Variants in SLC7A14 observed in about 807,000 individuals in gnomAD.
The protein encoded by SLC7A14 is gamma-aminobutyric acid transporter SLC7A14.
SLC7A14 carries 37 observed loss-of-function variants against 60.2 expected under a neutral mutation model. The ratio of observed to expected loss-of-function variants is 0.61; its 90% confidence interval spans 0.47 to 0.81. The LOEUF is 0.81. Ranked by LOEUF, SLC7A14 falls within the 30% of genes least tolerant of loss-of-function variation. The pLI is 0.00. For missense variants in SLC7A14, 886 were observed against 982.7 expected, an observed-to-expected ratio of 0.90 and a Z score of 1.32; for synonymous variants, 399 against 395.8, an observed-to-expected ratio of 1.01 and a Z score of -0.10.
chr3:170,514,529 A>G (rs1297121605), intron 2 of SLC7A14, among the ~76,000 whole-genome samples: 2 of 152,148 alleles, frequency 1.3e-5, no homozygotes, highest in African/African-American at 2.4e-5. Context: ...ATTATTATAC[A>G]TATTGATTTA....
At chr3:170,552,734 C>A (rs1011264415) in intron 1 of SLC7A14, among the ~76,000 whole-genome samples, 3 of 152,194 alleles carry the variant, frequency 2.0e-5, no homozygotes, top group African/African-American at 4.8e-5. Context: ...CTTCTGCATC[C>A]TTTTGCCTGT....
intron 1 of SLC7A14, among the ~76,000 whole-genome samples, chr3:170,580,773 G>A (rs76485411): frequency 0.018 from 2,689 of 152,292 alleles, 34 homozygotes; most frequent in Admixed American, 0.027. Flanking sequence ...AAGTGACTTC[G>A]TTGAGTTTTC....
In SLC7A14 at chr3:170,535,161, C is replaced by T. The variant is rs552497045; in HGVS notation, c.-152-8073G>A. 6.6e-6 allele frequency among the ~76,000 whole-genome samples: 1 copy of T among 152,054 alleles called. No homozygotes were observed. The highest frequency in any genetic ancestry group is 2.4e-5 in the African/African-American group (1 of 41,458). ...GTGGCCACAGTCTGGCATCACCTTCCACTCTTCTCCCGCAGATCAGGGTCT... is the reference window on the plus strand; with the variant it reads ...GTGGCCACAGTCTGGCATCACCTTCTACTCTTCTCCCGCAGATCAGGGTCT... On this transcript the variant is annotated intron_variant, in intron 1 of 7. Transcript: ENST00000231706. This position sits in a 1 kb window ranked among gnomAD's most constrained non-coding sequence, Gnocchi z 4.3.
intron 1 of SLC7A14, among the ~76,000 whole-genome samples, chr3:170,548,756 C>T (rs553667837): frequency 6.6e-6 from 1 of 152,330 alleles, no homozygotes; most frequent in East Asian, 1.9e-4. Context: ...CTCTGACTAA[C>T]CCTTCAGGTC....
At chr3:170,514,289 G>A (rs1193199775) in intron 2 of SLC7A14, among the ~76,000 whole-genome samples, 1 of 152,202 alleles carries the variant, frequency 6.6e-6, no homozygotes, top group Non-Finnish European at 1.5e-5. Flanking sequence ...GACCTCTGAG[G>A]GCAAGGGCTG....
intron 2 of SLC7A14, among the ~76,000 whole-genome samples, chr3:170,505,241 T>C (rs1265966068): frequency 1.3e-5 from 2 of 152,154 alleles, no homozygotes; most frequent in African/African-American, 4.8e-5. Context: ...TCAACAACAA[T>C]GTTATTCATG....
intron 2 of SLC7A14, among the ~76,000 whole-genome samples, chr3:170,503,342 G>T (rs956024288): frequency 5.3e-5 from 8 of 152,182 alleles, no homozygotes; most frequent in African/African-American, 1.9e-4. Context: ...AGAGGAAATG[G>T]TCTTTGAAGA....
intron 7 of SLC7A14, among the ~76,000 whole-genome samples, chr3:170,470,708 A>G (rs1739874945): frequency 1.4e-5 from 2 of 145,262 alleles, no homozygotes; most frequent in South Asian, 4.9e-4. Flanking sequence ...ACAAAGAAAC[A>G]GAGAGGAACA....
chr3:170,512,524 C>T lies in SLC7A14; in HGVS notation c.305-11179G>A, dbSNP rs574391848. 2.6e-5 allele frequency among the ~76,000 whole-genome samples: 4 copies of T among 152,250 alleles called. No homozygotes were observed. In the South Asian group the frequency reaches 8.3e-4, roughly 32 times the overall value. ...TCGGTTACAGTGCCTACTTCTGGTTCTCCCCTATCCTGTGATACAAACTTC... is the reference window on the plus strand; with the variant it reads ...TCGGTTACAGTGCCTACTTCTGGTTTTCCCCTATCCTGTGATACAAACTTC... On this transcript the variant is annotated intron_variant, in intron 2 of 7. Coordinates refer to ENST00000231706, the MANE Select transcript of SLC7A14 (RefSeq NM_020949.3).
intron 2 of SLC7A14, among the ~76,000 whole-genome samples, chr3:170,521,515 C>T (rs1433365967): frequency 1.3e-4 from 20 of 152,150 alleles, no homozygotes; most frequent in Admixed American, 1.1e-3. Flanking sequence ...TTGAAAGACA[C>T]GCCACAAACT....
intron 1 of SLC7A14, among the ~76,000 whole-genome samples, chr3:170,571,534 C>T (rs140819932): frequency 2.6e-3 from 393 of 152,308 alleles, no homozygotes; most frequent in African/African-American, 9.1e-3. Flanking sequence ...AAATCTTGAA[C>T]ATAATCTTCC....
intron 2 of SLC7A14, among the ~76,000 whole-genome samples, chr3:170,506,450 A>G (rs1712783236): frequency 6.6e-6 from 1 of 152,224 alleles, no homozygotes; most frequent in African/African-American, 2.4e-5. Context: ...GGTTGGGACA[A>G]GGTACCGGGA....
At chr3:170,473,464 C>T (rs1200386657) in intron 7 of SLC7A14, among the ~76,000 whole-genome samples, 2 of 152,202 alleles carry the variant, frequency 1.3e-5, no homozygotes, top group Non-Finnish European at 2.9e-5. Flanking sequence ...GCCACCTGAC[C>T]TCAGGCTGGG....
intron 2 of SLC7A14, among the ~76,000 whole-genome samples, chr3:170,515,105 G>A (rs765810872): frequency 6.6e-6 from 1 of 152,000 alleles, no homozygotes; most frequent in Non-Finnish European, 1.5e-5. Flanking sequence ...CTGAGGTCAG[G>A]AGTTCTAGAC....
chr3:170,563,908 C>T (rs544584526), intron 1 of SLC7A14, among the ~76,000 whole-genome samples: 56 of 152,348 alleles, frequency 3.7e-4, no homozygotes, highest in African/African-American at 1.0e-3. Flanking sequence ...TGTGAACACA[C>T]TACTGATAGG....
intron 1 of SLC7A14, among the ~76,000 whole-genome samples, chr3:170,561,510 G>C (rs928609975): frequency 6.6e-6 from 1 of 152,174 alleles, no homozygotes; most frequent in Non-Finnish European, 1.5e-5. Context: ...ATCATTCTAC[G>C]TTTGGGAACC....
intron 1 of SLC7A14, among the ~76,000 whole-genome samples, chr3:170,557,552 G>A (rs1714520503): frequency 6.6e-6 from 1 of 152,126 alleles, no homozygotes; most frequent in Non-Finnish European, 1.5e-5. Context: ...TGGAAGATGT[G>A]GACTGACCGG....
chr3:170,479,825 C>T (rs60261878), intron 7 of SLC7A14, among the ~76,000 whole-genome samples: 85 of 152,326 alleles, frequency 5.6e-4, no homozygotes, highest in African/African-American at 2.0e-3. Flanking sequence ...ACACTTAATT[C>T]ACACCTTGTT....
At chr3:170,548,631 G>C (rs6763634) in intron 1 of SLC7A14, among the ~76,000 whole-genome samples, 6,646 of 152,286 alleles carry the variant, frequency 0.044, 455 homozygotes, top group African/African-American at 0.14. Context: ...CACAGATGCA[G>C]CTCCTCAGGC....
Sources: allele counts gnomAD v4.1 joint callset (sites outside exome capture counted in the v4.1 genomes callset), GRCh38; gene constraint gnomAD v4.1.1; non-coding constraint Gnocchi (gnomAD v3.1); transcripts MANE v1.5; gene names NCBI Gene and HGNC (gene_info 2026-07-23, HGNC 2026-07-21).